FOXP4: variants seen among roughly 807,000 people sequenced by gnomAD.
The protein encoded by FOXP4 is forkhead box protein P4.
FOXP4 carries 25 observed loss-of-function variants against 82.6 expected under a neutral mutation model. The ratio of observed to expected loss-of-function variants is 0.30; its 90% CI spans 0.22 to 0.42. The LOEUF (loss-of-function observed/expected upper bound fraction) is 0.42. FOXP4 is among the 10% of genes least tolerant of loss of function. The pLI is 1.00. For missense variants in FOXP4, 785 were observed against 900.9 expected (o/e 0.87, Z 1.65); for synonymous variants, 415 against 388.2 (o/e 1.07, Z -0.81).
intron 1 of FOXP4, among the ~76,000 whole-genome samples, chr6:41,551,341 G>C (rs1763986187): frequency 1.3e-5 from 2 of 152,210 alleles, no homozygotes; most frequent in Admixed American, 6.5e-5. Context: ...TCCTTGCCTT[G>C]ATCCTGGTCC....
chr6:41,587,238 G>A (rs1015772056), intron 6 of FOXP4, 61 bp from the exon 7 acceptor site: 89 of 1,608,506 alleles, frequency 5.5e-5, no homozygotes, highest in Non-Finnish European at 7.2e-5. Flanking sequence ...CCTGTTCTTG[G>A]GGCCAGGTAG....
chr6:41,560,908 T>C (rs989995030), intron 1 of FOXP4, among the ~76,000 whole-genome samples: 3 of 152,208 alleles, frequency 2.0e-5, no homozygotes, highest in African/African-American at 7.2e-5. Flanking sequence ...CCCCTTCTCT[T>C]TTCTCCTTCC....
rs200034711 is a variant in FOXP4 at position 41,587,815 on chromosome 6, G to T, written c.895G>T (p.Gly299Cys). 63 of 1,567,306 alleles carry T rather than the reference G, an allele frequency of 4.0e-5. No homozygotes were observed. Among genetic ancestry groups the T allele is most frequent in the Non-Finnish European group, 5.2e-5 (60 of 1,154,610 alleles). Reference sequence around the variant, plus strand: ...CAGCTCTTCCCACGAGGAGACCCCCGGCTCCCACCCCCTGTACGGACACGG... The same window carrying T: ...CAGCTCTTCCCACGAGGAGACCCCCTGCTCCCACCCCCTGTACGGACACGG... Reference protein sequence around the residue: ...RDSSSHEETPGSHPLYGHGEC... With the variant: ...RDSSSHEETPCSHPLYGHGEC... The change falls in exon 8 of 17, where the codon GGC becomes TGC. Residue 299 changes from glycine (G) to cysteine (C), a missense_variant. Physicochemically the swap from Gly to Cys is radical, Grantham distance 159. Transcript: ENST00000307972.
At chr6:41,585,125 C>T (rs1289456471) in intron 4 of FOXP4, among the ~76,000 whole-genome samples, 1 of 152,172 alleles carries the variant, frequency 6.6e-6, no homozygotes, top group Non-Finnish European at 1.5e-5. Context: ...GCTGGCCCCA[C>T]TTCTATCTCC....
intron 11 of FOXP4, 34 bp from the exon 12 acceptor site, chr6:41,590,237 A>G (rs377538436): frequency 3.3e-5 from 53 of 1,612,952 alleles, no homozygotes; most frequent in African/African-American, 6.7e-5. Flanking sequence ...TGAGCCCCAT[A>G]TCTGGCTACC....
At chr6:41,578,721 G>A in intron 3 of FOXP4, among the ~76,000 whole-genome samples, 1 of 131,572 alleles carries the variant, frequency 7.6e-6, no homozygotes, top group South Asian at 3.0e-4. Context: ...GGTGGGCGGG[G>A]GGTGGGGGAG....
chr6:41,585,632 C>T, intron 5 of FOXP4, 115 bp downstream of exon 5: 1 of 948,352 alleles, frequency 1.1e-6, no homozygotes, highest in Admixed American at 2.7e-5. Context: ...CTAGAAAAGG[C>T]TGAGGAAGGG....
intron 2 of FOXP4, among the ~76,000 whole-genome samples, chr6:41,577,150 A>G (rs957464082): frequency 4.0e-5 from 6 of 151,760 alleles, no homozygotes; most frequent in South Asian, 2.1e-4. Context: ...AGCAATCTCC[A>G]TATGCCTCCC....
intron 1 of FOXP4, among the ~76,000 whole-genome samples, chr6:41,556,834 G>A (rs1301213032): frequency 1.3e-5 from 2 of 152,166 alleles, no homozygotes; most frequent in African/African-American, 4.8e-5. Flanking sequence ...GGCTGCACTG[G>A]GAATTTAGAA....
At position 41,601,619 on chromosome 6, in the gene FOXP4, T is replaced by G. The variant is rs1221587301; in HGVS notation, c.*2683T>G. On this transcript the variant is annotated 3_prime_UTR_variant, in exon 17 of 17. Transcript: ENST00000307972. ...TCCCAAGTAGCTGGGATTACAGGCGTGCACCACCACGCCGGGCTAAATTTT... is the reference window on the plus strand; with the variant it reads ...TCCCAAGTAGCTGGGATTACAGGCGGGCACCACCACGCCGGGCTAAATTTT... 6.6e-6 allele frequency: 1 copy of G among 152,260 alleles called. No individual in the cohort carries two copies. Among genetic ancestry groups the G allele is most frequent in the East Asian group, 1.9e-4 (1 of 5,206 alleles). 9.4% of individuals were successfully genotyped at this position (152,260 alleles called of 1,614,324 possible).
At chr6:41,566,605 G>A (rs769521418) in intron 2 of FOXP4, among the ~76,000 whole-genome samples, 4 of 152,178 alleles carry the variant, frequency 2.6e-5, no homozygotes, top group Non-Finnish European at 5.9e-5. Flanking sequence ...AGGATCTAGA[G>A]GCACTAGGAT....
Position 41,596,948 on chromosome 6 carries a change from A to G in FOXP4, c.1659-228A>G, listed in dbSNP as rs539184966. ...CTGGACAGGTCCCTGAACCAAGCCC[A>G]TCGCACCCACCTGTGAAGGGGCTGC... On this transcript the variant is annotated intron_variant, in intron 14 of 16. Transcript: ENST00000307972. Among the ~76,000 whole-genome samples, 4 of 152,200 alleles carry G rather than the reference A, an allele frequency of 2.6e-5. No homozygotes were observed. In the East Asian group the frequency reaches 7.8e-4, roughly 30 times the overall value.
intron 2 of FOXP4, among the ~76,000 whole-genome samples, chr6:41,567,725 CAGAA>C (rs1764963100): frequency 6.6e-6 from 1 of 152,186 alleles, no homozygotes; most frequent in African/African-American, 2.4e-5. Flanking sequence ...TGGGGAAAGA[CAGAA>C]CTGTCTGTAC....
intron 16 of FOXP4, 93 bp downstream of exon 16, chr6:41,598,043 C>A: frequency 9.7e-7 from 1 of 1,025,928 alleles, no homozygotes; most frequent in Non-Finnish European, 1.4e-6. Flanking sequence ...GTTCCCCATC[C>A]CACCCCCACC....
chr6:41,595,206 T>C (rs1265442049), intron 14 of FOXP4, among the ~76,000 whole-genome samples: 1 of 152,190 alleles, frequency 6.6e-6, no homozygotes, highest in Non-Finnish European at 1.5e-5. Flanking sequence ...ATTTATGTCC[T>C]CTTCTGTCCT....
intron 1 of FOXP4, among the ~76,000 whole-genome samples, chr6:41,563,808 C>T (rs1235172218): frequency 6.6e-6 from 1 of 152,166 alleles, no homozygotes; most frequent in African/African-American, 2.4e-5. Flanking sequence ...TGGATTCAAT[C>T]CACCACAGAT....
intron 1 of FOXP4, among the ~76,000 whole-genome samples, chr6:41,561,846 G>C (rs531248918): frequency 1.3e-5 from 2 of 152,366 alleles, no homozygotes; most frequent in South Asian, 2.1e-4. Flanking sequence ...GAGGCTCAGA[G>C]AAAAGGGAAG....
At chr6:41,569,554 G>A (rs112226786) in intron 2 of FOXP4, among the ~76,000 whole-genome samples, 13 of 152,352 alleles carry the variant, frequency 8.5e-5, no homozygotes, top group African/African-American at 3.1e-4. Context: ...AAGCCTAGGA[G>A]AAGTGTGTGC....
intron 14 of FOXP4, among the ~76,000 whole-genome samples, chr6:41,595,919 A>G (rs1766807385): frequency 6.6e-6 from 1 of 151,880 alleles, no homozygotes; most frequent in Admixed American, 6.5e-5. Flanking sequence ...TTTTTTTGAG[A>G]CAGAGTCTTG....
Sources: gnomAD v4.1 joint callset for allele counts (sites outside exome capture counted in the v4.1 genomes callset) on GRCh38, gnomAD v4.1.1 for gene constraint, MANE v1.5 for transcripts, NCBI Gene and HGNC (gene_info 2026-07-23, HGNC 2026-07-21) for gene names.